The following MEGF11 variants were observed in gnomAD, a reference collection of about 807,000 sequenced individuals.
MEGF11 encodes multiple epidermal growth factor-like domains protein 11.
In MEGF11, 126 loss-of-function variants were observed where a neutral mutation model predicts 146.6. The observed-to-expected ratio is 0.86, with a 90% CI of 0.74 to 1.00. The LOEUF (loss-of-function observed/expected upper bound fraction) is 1.00, where lower values mean the gene tolerates loss of function less well. Ranked by LOEUF, MEGF11 falls within the 50% of genes least tolerant of loss-of-function variation. MEGF11 has a pLI of 0.00. For synonymous variants in MEGF11, 532 were observed against 583.4 expected, an observed-to-expected ratio of 0.91 and a Z score of 1.27; for missense variants, 1,509 against 1,521.2, an observed-to-expected ratio of 0.99 and a Z score of 0.13.
chr15:65,913,160 A>G (rs16949091), intron 20 of MEGF11, among the ~76,000 whole-genome samples: 18,480 of 152,172 alleles, frequency 0.12, 1,934 homozygotes, highest in East Asian at 0.62. Flanking sequence ...TAAAATGCCT[A>G]TTGGAGCTGT....
chr15:66,124,612 A>C (rs2088240527), intron 2 of MEGF11, among the ~76,000 whole-genome samples: 1 of 152,234 alleles, frequency 6.6e-6, no homozygotes, highest in Non-Finnish European at 1.5e-5. Flanking sequence ...ATCAGGGGGC[A>C]TAAGTGGCTT....
intron 5 of MEGF11, among the ~76,000 whole-genome samples, chr15:66,051,593 C>A (rs543052774): frequency 1.4e-4 from 21 of 152,330 alleles, no homozygotes; most frequent in African/African-American, 5.1e-4. Flanking sequence ...TTCCGCCCAG[C>A]CACTTCAGAT....
intron 1 of MEGF11, among the ~76,000 whole-genome samples, chr15:66,180,437 C>G (rs2090515305): frequency 6.6e-6 from 1 of 152,230 alleles, no homozygotes; most frequent in African/African-American, 2.4e-5. Flanking sequence ...TGAGCCAGCC[C>G]CATAGAGCCA....
At chr15:65,992,934 C>T (rs1037773908) in intron 5 of MEGF11, among the ~76,000 whole-genome samples, 10 of 152,100 alleles carry the variant, frequency 6.6e-5, no homozygotes, top group African/African-American at 1.7e-4. Flanking sequence ...CAGGAGGCAC[C>T]GCAGAGCTGG....
At chr15:65,916,524 G>T in intron 17 of MEGF11, 2 of 654,754 alleles carry the variant, frequency 3.1e-6, no homozygotes, top group Non-Finnish European at 5.2e-6. Context: ...CTTCCTGTGT[G>T]GACACAGGCT....
chr15:66,016,082 C>T lies in MEGF11; in HGVS notation c.395-33594G>A, dbSNP rs368689918. Among the ~76,000 whole-genome samples the T allele has an allele frequency of 4.6e-4, 70 of 151,996 alleles. No individual in the cohort carries two copies. The East Asian group carries it at 6.0e-3, about 13-fold the overall frequency. ...AGAATGGGAGAGGGCAAAGAATTAGCTATTTATAGAATTATCTTTTCCTTC... is the reference window on the plus strand; with the variant it reads ...AGAATGGGAGAGGGCAAAGAATTAGTTATTTATAGAATTATCTTTTCCTTC... On this transcript the variant is annotated intron_variant, in intron 5 of 25. Coordinates refer to ENST00000395614, the MANE Select transcript of MEGF11 (RefSeq NM_001385028.1).
chr15:66,199,555 C>T (rs535885509), intron 1 of MEGF11, among the ~76,000 whole-genome samples: 104 of 152,336 alleles, frequency 6.8e-4, no homozygotes, highest in African/African-American at 2.5e-3. Context: ...CCTGGGCCCA[C>T]AGCCAAGACC....
intron 7 of MEGF11, among the ~76,000 whole-genome samples, chr15:65,977,815 G>A (rs189708346): frequency 3.4e-4 from 52 of 152,088 alleles, no homozygotes; most frequent in Middle Eastern, 3.4e-3. Context: ...AGTCCCCAAC[G>A]TAAGACTGTG....
At chr15:65,933,901 T>C (rs1219929057) in intron 10 of MEGF11, among the ~76,000 whole-genome samples, 1 of 152,254 alleles carries the variant, frequency 6.6e-6, no homozygotes, top group Admixed American at 6.5e-5. Context: ...AAATTAGTTA[T>C]TGTTTGTGTA....
At chr15:66,130,194 C>T (rs2088578491) in intron 1 of MEGF11, among the ~76,000 whole-genome samples, 1 of 152,184 alleles carries the variant, frequency 6.6e-6, no homozygotes, top group Non-Finnish European at 1.5e-5. Context: ...AAGAGCCTGC[C>T]CGGGACATGG....
chr15:66,120,188 C>T (rs28718020), intron 3 of MEGF11, among the ~76,000 whole-genome samples: 21,448 of 152,094 alleles, frequency 0.14, 1,788 homozygotes, highest in African/African-American at 0.23. Flanking sequence ...GCCTTACAGA[C>T]GGCCACAGTG....
chr15:66,053,714 AATTTTTTTTTT>A (rs1181235498), intron 5 of MEGF11, among the ~76,000 whole-genome samples: 14 of 42,288 alleles, frequency 3.3e-4, no homozygotes, highest in Admixed American at 8.5e-4. Flanking sequence ...CCCTGGCACC[AATTTTTTTTTT>A]TTTTTTTTTT....
At chr15:66,163,845 C>T (rs1258764160) in intron 1 of MEGF11, among the ~76,000 whole-genome samples, 2 of 152,182 alleles carry the variant, frequency 1.3e-5, no homozygotes, top group Admixed American at 6.5e-5. Context: ...AAATCCTCCC[C>T]GCATGCACAC....
At chr15:66,163,179 C>T (rs1476753648) in intron 1 of MEGF11, among the ~76,000 whole-genome samples, 1 of 152,190 alleles carries the variant, frequency 6.6e-6, no homozygotes, top group Non-Finnish European at 1.5e-5. Context: ...AGCTCCTGTC[C>T]ACCCATCTGG....
chr15:65,970,421 G>A (rs147110854), intron 8 of MEGF11, 132 bp downstream of exon 8: 3 of 1,008,470 alleles, frequency 3.0e-6, no homozygotes, highest in Non-Finnish European at 4.3e-6. Context: ...CTCCCTGGCA[G>A]GAGAGCTCAG....
intron 5 of MEGF11, among the ~76,000 whole-genome samples, chr15:66,037,063 C>T (rs973684932): frequency 6.6e-6 from 1 of 152,210 alleles, no homozygotes; most frequent in African/African-American, 2.4e-5. Context: ...CTGATAATGA[C>T]ATTTCATGGC....
rs914755188 is a variant in MEGF11, at chr15:65,906,034, C to G, written c.3055+51G>C. 22 of 1,481,458 alleles carry G rather than the reference C, an allele frequency of 1.5e-5. 1 individual carries two copies. The highest frequency in any genetic ancestry group is 2.8e-5 in the African/African-American group (2 of 72,424). 91.8% of individuals were successfully genotyped at this position (1,481,458 alleles called of 1,614,324 possible). A position where few individuals can be genotyped will look rare whatever the true frequency, so the allele number is the denominator to read the frequency against. On this transcript the variant is annotated intron_variant, in intron 24 of 25. Transcript: ENST00000395614. ...TTCCTGGCCATTTCAGATCTGCACT[C>G]TTTATCTTGCTAAGCCCTCTGTAAT...
chr15:66,113,492 C>G (rs1017782722), intron 4 of MEGF11, among the ~76,000 whole-genome samples: 6 of 152,168 alleles, frequency 3.9e-5, no homozygotes, highest in African/African-American at 1.2e-4. Context: ...ATAGACTCCC[C>G]CTCCTTGCCC....
At chr15:66,144,012 C>G (rs997670599) in intron 1 of MEGF11, among the ~76,000 whole-genome samples, 1 of 152,136 alleles carries the variant, frequency 6.6e-6, no homozygotes, top group Admixed American at 6.5e-5. Context: ...GAAATCAAAG[C>G]TCCCCCATCA....
Sources: allele counts gnomAD v4.1 joint callset (sites outside exome capture counted in the v4.1 genomes callset), GRCh38; gene constraint gnomAD v4.1.1; transcripts MANE v1.5; gene names NCBI Gene and HGNC (gene_info 2026-07-23, HGNC 2026-07-21).